The following CBLL1 variants were observed in gnomAD, a reference collection of about 807,000 sequenced individuals.
CBLL1 encodes Cbl proto-oncogene like 1.
CBLL1 carries 4 observed loss-of-function variants against 44.9 expected under a neutral mutation model. The ratio of observed to expected loss-of-function variants is 0.09; its 90% CI spans 0.04 to 0.20. The LOEUF (loss-of-function observed/expected upper bound fraction) is 0.20, where lower values mean the gene tolerates loss of function less well. Ranked by LOEUF, CBLL1 falls within the 10% of genes least tolerant of loss-of-function variation. The pLI, the probability that CBLL1 is intolerant of heterozygous loss-of-function variation, is 1.00. For missense variants in CBLL1, 569 were observed against 636.7 expected, an observed-to-expected ratio of 0.89 and a Z score of 1.14; for synonymous variants, 235 against 202.2, an observed-to-expected ratio of 1.16 and a Z score of -1.38.
intron 5 of CBLL1, among the ~76,000 whole-genome samples, chr7:107,757,624 A>G (rs977717628): frequency 6.6e-6 from 1 of 152,180 alleles, no homozygotes; most frequent in African/African-American, 2.4e-5. Context: ...CAAGGCTTGG[A>G]TTGAAATTGT....
intron 2 of CBLL1, 65 bp from the exon 3 acceptor site, chr7:107,753,346 A>G (rs1584381576): frequency 9.4e-6 from 10 of 1,064,368 alleles, no homozygotes; most frequent in African/African-American, 1.6e-5. Context: ...TTTGCCATGT[A>G]TATGTGCTTC....
intron 1 of CBLL1, among the ~76,000 whole-genome samples, chr7:107,745,427 T>G (rs1178157187): frequency 6.6e-6 from 1 of 152,114 alleles, no homozygotes; most frequent in Non-Finnish European, 1.5e-5. Flanking sequence ...AGCTGCAGCC[T>G]CCTAATAGCC....
intron 1 of CBLL1, among the ~76,000 whole-genome samples, chr7:107,746,136 C>A (rs1033459250): frequency 2.6e-5 from 4 of 152,090 alleles, no homozygotes; most frequent in African/African-American, 9.7e-5. Flanking sequence ...GTTAGAATAG[C>A]AAACATTCAA....
rs1479991412 is a variant in CBLL1, at chr7:107,761,282, A to C, written c.*2104A>C. On this transcript the variant is annotated 3_prime_UTR_variant, in exon 6 of 6. Coordinates refer to ENST00000440859, the MANE Select transcript of CBLL1 (RefSeq NM_024814.4). ...AGCCTATGTATTGGACGAGAAAATC[A>C]GTATCATGATAAAATTTTGAATTAA... is the stretch of plus-strand genomic sequence containing the variant. 2 of 152,224 alleles carry C rather than the reference A, an allele frequency of 1.3e-5. No individual in the cohort carries two copies. Among genetic ancestry groups the C allele is most frequent in the Non-Finnish European group, 2.9e-5 (2 of 67,912 alleles). The allele number at this position is 152,224 out of a possible 1,614,324, so 9.4% of individuals were successfully genotyped here. A position where few individuals can be genotyped will look rare whatever the true frequency, so the allele number is the denominator to read the frequency against.
intron 1 of CBLL1, among the ~76,000 whole-genome samples, chr7:107,746,383 G>C (rs1463256486): frequency 2.7e-5 from 4 of 150,660 alleles, no homozygotes; most frequent in African/African-American, 9.8e-5. Context: ...TGTCCCTTCT[G>C]CTTAACACTA....
At position 107,759,339 on chromosome 7, in the gene CBLL1, ATT is replaced by A; in HGVS notation, c.*162_*163del. 1 of 641,208 alleles carries A rather than the reference ATT, an allele frequency of 1.6e-6. No homozygotes were observed. The highest frequency in any genetic ancestry group is 2.6e-6 in the Non-Finnish European group (1 of 379,968). The allele number at this position is 641,208 out of a possible 1,614,324, so 39.7% of individuals were successfully genotyped here. On this transcript the variant is annotated 3_prime_UTR_variant, in exon 6 of 6. Coordinates refer to ENST00000440859, the MANE Select transcript of CBLL1 (RefSeq NM_024814.4). Reference sequence around the variant, plus strand: ...AATGGTTTTAAATCTTGACCTTAAGATTGATTTCAAGTACCATACTGTAGTAC... The same window carrying A: ...AATGGTTTTAAATCTTGACCTTAAGAGATTTCAAGTACCATACTGTAGTAC...
At chr7:107,752,792 A>G (rs1174485040) in intron 2 of CBLL1, among the ~76,000 whole-genome samples, 2 of 152,212 alleles carry the variant, frequency 1.3e-5, no homozygotes, top group South Asian at 2.1e-4. Context: ...GAAAGGATAC[A>G]TGAGAATACG....
intron 1 of CBLL1, 21 bp downstream of exon 1, chr7:107,744,197 G>A: frequency 6.5e-7 from 1 of 1,545,656 alleles, no homozygotes; most frequent in African/African-American, 1.4e-5. Context: ...GGAGGCAGTG[G>A]GGGTCCCGGT....
At chr7:107,752,466 C>A in intron 2 of CBLL1, 1 of 485,858 alleles carries the variant, frequency 2.1e-6, no homozygotes, top group Non-Finnish European at 3.6e-6. Context: ...GTGTGTGTGT[C>A]TGTGTCTGTG....
chr7:107,759,325 A>G lies in CBLL1; in HGVS notation c.*147A>G, dbSNP rs1157104730. On this transcript the variant is annotated 3_prime_UTR_variant, in exon 6 of 6. Coordinates refer to ENST00000440859, the MANE Select transcript of CBLL1 (RefSeq NM_024814.4). ...GTCTTGTTTCTTAAAATGGTTTTAA[A>G]TCTTGACCTTAAGATTGATTTCAAG... 8.7e-6 allele frequency: 6 copies of G among 689,806 alleles called. No homozygotes were observed. The allele number at this position is 689,806 out of a possible 1,614,324, so 42.7% of individuals were successfully genotyped here. A position where few individuals can be genotyped will look rare whatever the true frequency, so the allele number is the denominator to read the frequency against.
rs1429691688 is a variant in CBLL1 at position 107,758,828 on chromosome 7, C to G, written c.1126C>G (p.Pro376Ala). The change falls in exon 6 of 6, where the codon CCA (proline) becomes GCA (alanine). Residue 376 changes from proline (P) to alanine (A), a missense_variant. By Grantham distance (27) the Pro-to-Ala change is conservative. This residue lies in a region of CBLL1 where 228 missense variants were observed against 253.2 expected (regional missense o/e 0.90). Coordinates refer to ENST00000440859, the MANE Select transcript of CBLL1 (RefSeq NM_024814.4). This position sits in a 1 kb window ranked among gnomAD's most constrained non-coding sequence, Gnocchi z 4.2. ...GGTATATAGCCAAGCTCCACCTCCA[C>G]CAATGACCTCTGCTCCACCACCAAT... ...HLVYSQAPPP[P>A]MTSAPPPITP... is the part of the protein sequence containing the mutation. 1 of 1,613,996 alleles carries G rather than the reference C, an allele frequency of 6.2e-7. No individual in the cohort carries two copies. The highest frequency in any genetic ancestry group is 1.3e-5 in the African/African-American group (1 of 74,978).
intron 2 of CBLL1, 41 bp downstream of exon 2, chr7:107,749,088 T>A (rs763909253): frequency 6.3e-7 from 1 of 1,590,826 alleles, no homozygotes; most frequent in South Asian, 1.1e-5. Context: ...CTTTCTGTTT[T>A]ATCTGATTGC....
rs370718742 is a variant in CBLL1 at position 107,758,377 on chromosome 7, C to G, written c.675C>G (p.Asp225Glu). 4 of 1,613,996 alleles carry G rather than the reference C, an allele frequency of 2.5e-6. No homozygotes were observed. In the African/African-American group the frequency reaches 4.0e-5, roughly 16 times the overall value. The change falls in exon 6 of 6, where the codon GAC (aspartate) becomes GAG (glutamate). Residue 225 changes from aspartate (D) to glutamate (E), a missense_variant. Coordinates refer to ENST00000440859, the MANE Select transcript of CBLL1 (RefSeq NM_024814.4). The surrounding 1 kb of genome is among the most constrained non-coding windows in gnomAD (Gnocchi z 4.2). The stretch of plus-strand genomic sequence containing the variant: ...CTGAGCGTTTTATAATGCCACCAGA[C>G]AAGCACCATATGAGCCATATTCCGC... ...EIPERFIMPP[D>E]KHHMSHIPPK...
Position 107,755,420 on chromosome 7 carries a change from T to A in CBLL1, c.369T>A (p.Ile123=). The change falls in exon 5 of 6, where the codon ATT becomes ATA. Residue 123 remains isoleucine (I), a splice_region_variant and synonymous_variant. Coordinates refer to ENST00000440859, the MANE Select transcript of CBLL1 (RefSeq NM_024814.4). ...CTGTAATATGTCTTTGTTTACAGAT[T>A]CCATGCAAGCATGTTTTTTGCTATG... ...GLPIKIYGRM[I]PCKHVFCYDC... 1 of 1,567,776 alleles carries A rather than the reference T, an allele frequency of 6.4e-7. No homozygotes were observed. The highest frequency in any genetic ancestry group is 8.7e-7 in the Non-Finnish European group (1 of 1,153,772).
intron 2 of CBLL1, chr7:107,752,731 C>T (rs1313761794): frequency 2.8e-6 from 1 of 362,524 alleles, no homozygotes; most frequent in African/African-American, 2.1e-5. Context: ...AATTGAGCCC[C>T]TTTCATCTTC....
At position 107,749,940 on chromosome 7, in the gene CBLL1, TTTTG is replaced by T. The variant is rs140661181; in HGVS notation, c.181+913_181+916del. The stretch of plus-strand genomic sequence containing the variant: ...TATGTGCGTGTGTGTATATATATTT[TTTTG>T]TTTGTTTGTTTGTTTGTTTTTGTTT... On this transcript the variant is annotated intron_variant, in intron 2 of 5. Coordinates refer to ENST00000440859, the MANE Select transcript of CBLL1 (RefSeq NM_024814.4). Among the ~76,000 whole-genome samples, 523 of 150,842 alleles carry T rather than the reference TTTTG, an allele frequency of 3.5e-3. 3 individuals carry two copies. The highest frequency in any genetic ancestry group is 0.01 in the African/African-American group (429 of 41,132).
Position 107,758,737 on chromosome 7 carries a change from ACCT to A in CBLL1, c.1041_1043del (p.Pro350del), listed in dbSNP as rs528298109. ...CACAGCAACATTATGCACCACCCCC[ACCT>A]CCTCCACCACCAATAAGCCATCCAA... On this transcript the variant is annotated inframe_deletion, in exon 6 of 6. Transcript: ENST00000440859. This position sits in a 1 kb window ranked among gnomAD's most constrained non-coding sequence, Gnocchi z 4.2. 4.5e-4 allele frequency: 719 copies of A among 1,610,868 alleles called. 2 individuals carry two copies. The highest frequency in any genetic ancestry group is 5.3e-4 in the Non-Finnish European group (630 of 1,179,186).
In CBLL1 at chr7:107,753,944, A is replaced by C; in HGVS notation, c.332A>C (p.Lys111Thr). ...KDDTPVHFCD[K>T]CGLPIKIYGR... ...GATACACCAGTTCATTTCTGTGACA[A>C]GTGTGGATTGCCTATTAAAATCTAT... Residue 111 changes from lysine (K) to threonine (T), a missense_variant, in exon 4 of 6, where the codon AAG becomes ACG. Coordinates refer to ENST00000440859, the MANE Select transcript of CBLL1 (RefSeq NM_024814.4). 1 of 1,596,350 alleles carries C rather than the reference A, an allele frequency of 6.3e-7. No homozygotes were observed. The highest frequency in any genetic ancestry group is 8.5e-7 in the Non-Finnish European group (1 of 1,170,184).
chr7:107,754,445 T>G (rs1446797457), intron 4 of CBLL1, among the ~76,000 whole-genome samples: 1 of 152,014 alleles, frequency 6.6e-6, no homozygotes, highest in Non-Finnish European at 1.5e-5. Flanking sequence ...AATTTTACAA[T>G]CCTAACTGTA....
Sources: gnomAD v4.1 joint callset for allele counts (sites outside exome capture counted in the v4.1 genomes callset) on GRCh38, gnomAD v4.1.1 for gene constraint, gnomAD v4.1.1 regional missense constraint, Gnocchi (gnomAD v3.1) non-coding constraint, MANE v1.5 for transcripts, NCBI Gene and HGNC (gene_info 2026-07-23, HGNC 2026-07-21) for gene names.